The following VWDE variants were observed in gnomAD, a reference collection of about 807,000 sequenced individuals.
VWDE encodes the protein von Willebrand factor D and EGF domain-containing protein.
Under a neutral mutation model 178.4 loss-of-function variants are expected in VWDE, and 207 were observed. The observed-to-expected ratio is 1.16, with a 90% confidence interval of 1.04 to 1.30. VWDE has a LOEUF of 1.30. Ranked by LOEUF, VWDE falls within the 50% of genes most tolerant of loss-of-function variation. The probability of loss-of-function intolerance (pLI) is 0.00; values close to 1 mark genes in which losing one functional copy is unlikely to be tolerated. For synonymous variants in VWDE, 738 were observed against 651.4 expected (o/e 1.13, Z -2.02); for missense variants, 2,287 against 1,901.3 (o/e 1.20, Z -3.77).
intron 7 of VWDE, among the ~76,000 whole-genome samples, chr7:12,375,534 C>A (rs974340345): frequency 2.6e-5 from 4 of 151,648 alleles, no homozygotes; most frequent in Non-Finnish European, 5.9e-5. Flanking sequence ...AAAATTTATT[C>A]TTTTACATAT....
At chr7:12,389,427 T>C (rs1784270902) in intron 2 of VWDE, 69 bp from the exon 3 acceptor site, 6 of 1,129,556 alleles carry the variant, frequency 5.3e-6, no homozygotes, top group Middle Eastern at 2.2e-4. Flanking sequence ...ATATCAACTT[T>C]GCATTTTATT....
chr7:12,379,706 T>G, intron 5 of VWDE, 140 bp from the exon 6 acceptor site: 1 of 562,674 alleles, frequency 1.8e-6, no homozygotes, highest in Non-Finnish European at 2.9e-6. Flanking sequence ...TTTAAAAGCT[T>G]ACTTGATATT....
chr7:12,358,781 A>G (rs571309248), intron 16 of VWDE, among the ~76,000 whole-genome samples: 33 of 152,348 alleles, frequency 2.2e-4, no homozygotes, highest in Non-Finnish European at 4.1e-4. Flanking sequence ...AGAGGCACCA[A>G]TTCAGAAGTT....
chr7:12,391,748 T>C (rs1265128861), intron 2 of VWDE, among the ~76,000 whole-genome samples: 5 of 152,216 alleles, frequency 3.3e-5, no homozygotes, highest in Admixed American at 6.5e-5. Flanking sequence ...GAGATCTTTT[T>C]ACATTAGTGC....
chr7:12,373,622 T>G (rs1409125688), intron 9 of VWDE, among the ~76,000 whole-genome samples: 3 of 152,182 alleles, frequency 2.0e-5, no homozygotes, highest in African/African-American at 7.2e-5. Context: ...TTTAGTTTTC[T>G]TCACAGCAAG....
intron 1 of VWDE, among the ~76,000 whole-genome samples, chr7:12,399,578 C>T (rs1055117364): frequency 6.6e-5 from 10 of 152,122 alleles, no homozygotes; most frequent in African/African-American, 2.4e-4. Context: ...ACCTAGCAGA[C>T]ATCTATAAAC....
intron 13 of VWDE, among the ~76,000 whole-genome samples, chr7:12,362,230 C>CACAG (rs1404813037): frequency 6.6e-6 from 1 of 151,648 alleles, no homozygotes; most frequent in Non-Finnish European, 1.5e-5. Context: ...TACACACACA[C>CACAG]ACACACACAC....
In VWDE at chr7:12,354,236, A is replaced by T. The variant is rs576770028; in HGVS notation, c.3745+1875T>A. On this transcript the variant is annotated intron_variant, in intron 18 of 28. Coordinates refer to ENST00000275358, the MANE Select transcript of VWDE (RefSeq NM_001135924.3). Reference sequence around the variant, plus strand: ...TCCTTTGTATCTAGTTCAATGCATGACACTTAATGCATTTACACTAAATAA... The same window carrying T: ...TCCTTTGTATCTAGTTCAATGCATGTCACTTAATGCATTTACACTAAATAA... 394 of 314,466 alleles carry T rather than the reference A, an allele frequency of 1.3e-3. 4 individuals are homozygous for T. Among genetic ancestry groups the T allele is most frequent in the South Asian group, 0.011 (384 of 35,990 alleles). 19.5% of individuals were successfully genotyped at this position (314,466 alleles called of 1,614,324 possible). A position where few individuals can be genotyped will look rare whatever the true frequency, so the allele number is the denominator to read the frequency against.
Position 12,389,258 on chromosome 7 carries a change from G to T in VWDE, c.344C>A (p.Thr115Lys). Residue 115 changes from threonine to lysine, a missense_variant, in exon 3 of 29, where the codon ACA (threonine) becomes AAA (lysine). Physicochemically the swap from Thr to Lys is moderately conservative, Grantham distance 78. Transcript: ENST00000275358. ...TGTAGTGCTGAACAAAAACTGCCAT[G>T]TTGCACAAGCTGTCAATTGCTTGAT... ...GEIKQLTACATWQFLFSTTKD... is the reference protein window; with the variant it reads ...GEIKQLTACAKWQFLFSTTKD... 1 of 1,551,670 alleles carries T rather than the reference G, an allele frequency of 6.4e-7. No individual in the cohort carries two copies. The highest frequency in any genetic ancestry group is 8.7e-7 in the Non-Finnish European group (1 of 1,146,984).
chr7:12,368,559 G>A (rs200680773), intron 12 of VWDE, among the ~76,000 whole-genome samples: 2 of 152,090 alleles, frequency 1.3e-5, no homozygotes, highest in East Asian at 3.9e-4. Flanking sequence ...CAGTGAGCTG[G>A]GAGAAGAATG....
chr7:12,371,372 T>G (rs1583318782), intron 10 of VWDE, among the ~76,000 whole-genome samples: 1 of 152,060 alleles, frequency 6.6e-6, no homozygotes, highest in East Asian at 1.9e-4. Context: ...GAGTTGGCAA[T>G]CTGAGCAAGG....
At chr7:12,357,208 T>C (rs1782295607) in intron 17 of VWDE, 57 bp downstream of exon 17, 1 of 1,521,108 alleles carries the variant, frequency 6.6e-7, no homozygotes, top group East Asian at 2.5e-5. Flanking sequence ...TAAATTCAAA[T>C]AAAGTTGTTA....
rs1562494180 is a variant in VWDE, at chr7:12,369,978, A to T, written c.2328T>A (p.Thr776=). The change falls in exon 12 of 29, where the codon ACT becomes ACA. Residue 776 remains threonine (T), a synonymous_variant. Coordinates refer to ENST00000275358, the MANE Select transcript of VWDE (RefSeq NM_001135924.3). ...CAGCATGGTCCTCTGGGAAAAAATA[A>T]GTAAGTTCTTCCAGATCCGTTTGGC... The part of the protein sequence containing the change: ...SLSQTDLEEL[T]YFFPEDHAED... The T allele has an allele frequency of 6.4e-7, 1 of 1,551,554 alleles. No homozygotes were observed. The highest frequency in any genetic ancestry group is 8.7e-7 in the Non-Finnish European group (1 of 1,146,902).
chr7:12,362,884 C>T (rs182986153), intron 13 of VWDE, among the ~76,000 whole-genome samples: 2 of 152,164 alleles, frequency 1.3e-5, no homozygotes, highest in East Asian at 3.9e-4. Context: ...GATATCTACA[C>T]TTAGGTGAAT....
intron 6 of VWDE, among the ~76,000 whole-genome samples, chr7:12,378,530 A>G (rs1366382598): frequency 6.6e-6 from 1 of 152,098 alleles, no homozygotes; most frequent in Non-Finnish European, 1.5e-5. Context: ...AGTCTTGGCT[A>G]GCTCTCAAAA....
chr7:12,401,116 G>C (rs1784873859), intron 1 of VWDE, among the ~76,000 whole-genome samples: 1 of 152,122 alleles, frequency 6.6e-6, no homozygotes, highest in Admixed American at 6.6e-5. Context: ...ATGTGATGAA[G>C]AAAGACTAGA....
chr7:12,373,165 C>A lies in VWDE; in HGVS notation c.1399G>T (p.Asp467Tyr), dbSNP rs934832678. The A allele has an allele frequency of 1.3e-5, 20 of 1,551,222 alleles. No individual in the cohort carries two copies. Among genetic ancestry groups the A allele is most frequent in the Admixed American group, 2.0e-5 (1 of 50,950 alleles). The change falls in exon 10 of 29, where the codon GAC becomes TAC. Residue 467 changes from aspartate (D) to tyrosine (Y), a missense_variant. Asp to Tyr is a radical substitution (Grantham distance 160, BLOSUM62 -3). Coordinates refer to ENST00000275358, the MANE Select transcript of VWDE (RefSeq NM_001135924.3). Reference protein sequence around the residue: ...RDFEVHVRQWDCRSLHYPVSC... With the variant: ...RDFEVHVRQWYCRSLHYPVSC... ...ACTGGATAGTGAAGGCTTCTGCAGT[C>A]CCACTGACGTACATGGACTTCAAAA...
chr7:12,356,073 C>A, intron 18 of VWDE, 38 bp downstream of exon 18: 1 of 1,516,542 alleles, frequency 6.6e-7, no homozygotes, highest in South Asian at 1.2e-5. Flanking sequence ...TTTCAAGGAG[C>A]TTTTCTTTCT....
At chr7:12,401,349 G>A (rs1046441923) in intron 1 of VWDE, among the ~76,000 whole-genome samples, 2 of 151,894 alleles carry the variant, frequency 1.3e-5, no homozygotes, top group Admixed American at 6.6e-5. Flanking sequence ...TATCCACAGG[G>A]GATTATTTCC....
Sources: allele counts gnomAD v4.1 joint callset (sites outside exome capture counted in the v4.1 genomes callset), GRCh38; gene constraint gnomAD v4.1.1; transcripts MANE v1.5; gene names NCBI Gene and HGNC (gene_info 2026-07-23, HGNC 2026-07-21).